PUS1: variants seen among roughly 807,000 people sequenced by gnomAD.
PUS1 encodes the protein pseudouridylate synthase 1 homolog.
In PUS1, 25 loss-of-function variants were observed where a neutral mutation model predicts 38.5. That is an observed-to-expected ratio of 0.65 (90% CI 0.47 to 0.91). The LOEUF is 0.91. Among genes scored for constraint, PUS1 ranks in the 40% least tolerant of loss-of-function variants. The probability of loss-of-function intolerance (pLI) is 0.00; values close to 1 mark genes in which losing one functional copy is unlikely to be tolerated. For synonymous variants in PUS1, 282 were observed against 260.4 expected (o/e 1.08, Z -0.80); for missense variants, 597 against 612.3 (o/e 0.97, Z 0.26).
In PUS1 at chr12:131,941,414, C is replaced by T. The variant is rs778147307; in HGVS notation, c.667C>T (p.Arg223Cys). 12 of 1,614,082 alleles carry T rather than the reference C, an allele frequency of 7.4e-6. No homozygotes were observed. Among genetic ancestry groups the T allele is most frequent in the African/African-American group, 2.7e-5 (2 of 74,928 alleles). Residue 223 changes from arginine to cysteine, a missense_variant, in exon 5 of 6, where the codon CGC becomes TGC. Arg to Cys is a radical substitution (Grantham distance 180). Coordinates refer to ENST00000376649, the MANE Select transcript of PUS1 (RefSeq NM_025215.6). The surrounding 1 kb of genome is among the most constrained non-coding windows in gnomAD (Gnocchi z 4.4). Reference protein sequence around the residue: ...KDRDVQDETYRLSAETLQQVN... With the variant: ...KDRDVQDETYCLSAETLQQVN... Reference sequence around the variant, plus strand: ...CCGGGACGTTCAGGATGAGACCTACCGCCTGAGCGCCGAGACGCTGCAGCA... The same window carrying T: ...CCGGGACGTTCAGGATGAGACCTACTGCCTGAGCGCCGAGACGCTGCAGCA...
chr12:131,934,330 C>A (rs987721973), intron 3 of PUS1, among the ~76,000 whole-genome samples: 1 of 152,172 alleles, frequency 6.6e-6, no homozygotes, highest in Non-Finnish European at 1.5e-5. Context: ...CTCCCTTTGC[C>A]GGTCTGTGAA....
chr12:131,932,302 G>A lies in PUS1; in HGVS notation c.431G>A (p.Arg144Gln), dbSNP rs762199189. 9.9e-6 allele frequency: 16 copies of A among 1,613,446 alleles called. No homozygotes were observed. Among genetic ancestry groups the A allele is most frequent in the East Asian group, 2.2e-5 (1 of 44,888 alleles). Residue 144 changes from arginine to glutamine, a missense_variant, in exon 3 of 6, where the codon CGG (arginine) becomes CAG (glutamine). Coordinates refer to ENST00000376649, the MANE Select transcript of PUS1 (RefSeq NM_025215.6). ...AAAATGTCCTTCCAGCGCTGCGCCCGGACAGACAAGGTGGGTGGTGGCCTT... is the reference window on the plus strand; with the variant it reads ...AAAATGTCCTTCCAGCGCTGCGCCCAGACAGACAAGGTGGGTGGTGGCCTT... ...MRKMSFQRCARTDKGVSAAGQ... is the reference protein window; with the variant it reads ...MRKMSFQRCAQTDKGVSAAGQ...
intron 2 of PUS1, among the ~76,000 whole-genome samples, chr12:131,930,380 G>C (rs371875053): frequency 6.6e-6 from 1 of 152,216 alleles, no homozygotes; most frequent in Non-Finnish European, 1.5e-5. Context: ...TCACTTGCTG[G>C]GTGCCTGAGT....
At chr12:131,938,594 C>A (rs1205021701) in intron 3 of PUS1, among the ~76,000 whole-genome samples, 5 of 152,132 alleles carry the variant, frequency 3.3e-5, no homozygotes, top group African/African-American at 1.2e-4. Flanking sequence ...CTCAGAAGGC[C>A]CCTCCCTTTC....
At chr12:131,940,988 C>A in intron 4 of PUS1, 1 of 454,470 alleles carries the variant, frequency 2.2e-6, no homozygotes, top group Non-Finnish European at 4.0e-6. Flanking sequence ...ATCCATCACT[C>A]CAAGCATGTA....
At position 131,941,222 on chromosome 12, in the gene PUS1, C is replaced by A; in HGVS notation, c.545-70C>A. On this transcript the variant is annotated intron_variant, in intron 4 of 5. Transcript: ENST00000376649. The surrounding 1 kb of genome is among the most constrained non-coding windows in gnomAD (Gnocchi z 4.4). ...AGGAGACGCTGGGGCTCACGCCGTGCTCAGGCTGCTCCCTGGTCATCCAGG... is the reference window on the plus strand; with the variant it reads ...AGGAGACGCTGGGGCTCACGCCGTGATCAGGCTGCTCCCTGGTCATCCAGG... The A allele has an allele frequency of 7.2e-7, 1 of 1,381,732 alleles. No homozygotes were observed. The highest frequency in any genetic ancestry group is 1.0e-6 in the Non-Finnish European group (1 of 978,572). The allele number at this position is 1,381,732 out of a possible 1,614,324, so 85.6% of individuals were successfully genotyped here.
intron 3 of PUS1, among the ~76,000 whole-genome samples, chr12:131,933,270 A>G (rs1175316696): frequency 6.8e-6 from 1 of 147,622 alleles, no homozygotes; most frequent in Non-Finnish European, 1.5e-5. Flanking sequence ...GGCTCCAGTC[A>G]TCTTCCCACC....
chr12:131,936,291 C>T (rs904025794), intron 3 of PUS1, among the ~76,000 whole-genome samples: 10 of 151,016 alleles, frequency 6.6e-5, no homozygotes, highest in East Asian at 5.9e-4. Flanking sequence ...GGGCTGGGCG[C>T]GGGGGCTTAG....
At chr12:131,937,684 T>G (rs1890890281) in intron 3 of PUS1, among the ~76,000 whole-genome samples, 1 of 152,132 alleles carries the variant, frequency 6.6e-6, no homozygotes, top group East Asian at 1.9e-4. Flanking sequence ...CCCGTTTTTT[T>G]GTTTGTTTTT....
At chr12:131,940,019 T>C (rs1382158582) in intron 4 of PUS1, among the ~76,000 whole-genome samples, 1 of 151,900 alleles carries the variant, frequency 6.6e-6, no homozygotes, top group Non-Finnish European at 1.5e-5. Flanking sequence ...AACTGTTGTC[T>C]GCCTGACTGG....
intron 3 of PUS1, among the ~76,000 whole-genome samples, chr12:131,933,759 G>T (rs1205380185): frequency 2.0e-5 from 3 of 152,234 alleles, no homozygotes; most frequent in Non-Finnish European, 4.4e-5. Flanking sequence ...GCCCTACAGG[G>T]CCTGTGGGTT....
Position 131,930,325 on chromosome 12 carries a change from A to G in PUS1, c.303+190A>G, listed in dbSNP as rs1020922405. ...TGCACGCGAGCTCCTGCTGCTTTCC[A>G]TCAGGCCCGGCCCTGCCGCTAACCG... On this transcript the variant is annotated intron_variant, in intron 2 of 5. Coordinates refer to ENST00000376649, the MANE Select transcript of PUS1 (RefSeq NM_025215.6). Among the ~76,000 whole-genome samples, 8 of 152,176 alleles carry G rather than the reference A, an allele frequency of 5.3e-5. No individual in the cohort carries two copies. In the East Asian group the frequency reaches 5.8e-4, roughly 11 times the overall value.
In PUS1 at chr12:131,941,897, G is replaced by A. The variant is rs138150733; in HGVS notation, c.1150G>A (p.Glu384Lys). The change falls in exon 5 of 6, where the codon GAA becomes AAA. Residue 384 changes from glutamate (E) to lysine (K), a missense_variant. Transcript: ENST00000376649. The surrounding 1 kb of genome is among the most constrained non-coding windows in gnomAD (Gnocchi z 4.4). ...YPTIIGTERD[E>K]RSMAQWLSTL... ...CACCATCATCGGCACCGAGCGGGAC[G>A]AACGCTCCATGGCCCAGTGGCTGAG... The A allele has an allele frequency of 1.4e-5, 23 of 1,613,346 alleles. No homozygotes were observed. Among genetic ancestry groups the A allele is most frequent in the East Asian group, 4.5e-5 (2 of 44,900 alleles).
chr12:131,937,266 C>T (rs1566144924), intron 3 of PUS1, among the ~76,000 whole-genome samples: 1 of 152,144 alleles, frequency 6.6e-6, no homozygotes, highest in Non-Finnish European at 1.5e-5. Flanking sequence ...TTAATAATGC[C>T]ACATGATTCT....
At chr12:131,942,568 G>C (rs538543570) in intron 5 of PUS1, among the ~76,000 whole-genome samples, 3 of 152,010 alleles carry the variant, frequency 2.0e-5, no homozygotes, top group Non-Finnish European at 4.4e-5. Flanking sequence ...CACCACGCCC[G>C]GCTCATTTTT....
chr12:131,941,367 C>A lies in PUS1; in HGVS notation c.620C>A (p.Thr207Lys). ...DARTYCYLLP[T>K]FAFAHKDRDV... Reference sequence around the variant, plus strand: ...AGGACCTATTGCTACCTGCTGCCCACGTTTGCCTTTGCGCACAAGGACCGG... The same window carrying A: ...AGGACCTATTGCTACCTGCTGCCCAAGTTTGCCTTTGCGCACAAGGACCGG... The change falls in exon 5 of 6, where the codon ACG (threonine) becomes AAG (lysine). Residue 207 changes from threonine to lysine, a missense_variant. Transcript: ENST00000376649. This position sits in a 1 kb window ranked among gnomAD's most constrained non-coding sequence, Gnocchi z 4.4. 1 of 1,614,238 alleles carries A rather than the reference C, an allele frequency of 6.2e-7. No homozygotes were observed. The highest frequency in any genetic ancestry group is 8.5e-7 in the Non-Finnish European group (1 of 1,180,042).
rs1212394239 is a variant in PUS1 at position 131,929,781 on chromosome 12, G to A, written c.59G>A (p.Gly20Glu). 1.9e-6 allele frequency: 3 copies of A among 1,590,380 alleles called. No individual in the cohort carries two copies. Among genetic ancestry groups the A allele is most frequent in the Non-Finnish European group, 2.5e-6 (3 of 1,176,476 alleles). Residue 20 changes from glycine to glutamate, a missense_variant, in exon 1 of 6, where the codon GGA (glycine) becomes GAA (glutamate). Transcript: ENST00000376649. ...GAFGRWTLRL[G>E]PRPSCSPRMA... ...TTCGGACGGTGGACCCTGCGCCTGG[G>A]ACCGCGTCCGTCCTGGTAATGACCG... is the stretch of plus-strand genomic sequence containing the variant.
chr12:131,930,882 C>T (rs1464539941), intron 2 of PUS1, among the ~76,000 whole-genome samples: 1 of 152,066 alleles, frequency 6.6e-6, no homozygotes, highest in African/African-American at 2.4e-5. Flanking sequence ...AGGCTGCTCT[C>T]CAACTCCTGG....
intron 3 of PUS1, among the ~76,000 whole-genome samples, chr12:131,937,034 C>T (rs1326945113): frequency 4.6e-5 from 7 of 152,138 alleles, no homozygotes; most frequent in Admixed American, 4.6e-4. Context: ...GAGTGGTTGG[C>T]AATGAGATGT....
Sources: gnomAD v4.1 joint callset for allele counts (sites outside exome capture counted in the v4.1 genomes callset) on GRCh38, gnomAD v4.1.1 for gene constraint, Gnocchi (gnomAD v3.1) non-coding constraint, MANE v1.5 for transcripts, NCBI Gene and HGNC (gene_info 2026-07-23, HGNC 2026-07-21) for gene names.